RBFOX1: variants seen among roughly 807,000 people sequenced by gnomAD.
RBFOX1 encodes RNA binding protein fox-1 homolog 1.
In RBFOX1, 8 loss-of-function variants were observed where a neutral mutation model predicts 57.7. The observed-to-expected ratio is 0.14, with a 90% CI of 0.08 to 0.25. The LOEUF is 0.25. Ranked by LOEUF, RBFOX1 falls within the 10% of genes least tolerant of loss-of-function variation. RBFOX1 has a pLI of 1.00. For synonymous variants in RBFOX1, 326 were observed against 222.4 expected (o/e 1.47, Z -4.15); for missense variants, 611 against 548.5 (o/e 1.11, Z -1.14).
chr16:5,344,612 C>G (rs1005258847), intron 1 of RBFOX1, among the ~76,000 whole-genome samples: 1 of 152,132 alleles, frequency 6.6e-6, no homozygotes, highest in African/African-American at 2.4e-5. Flanking sequence ...CCCCCTCCCC[C>G]GGCTGTGAGG....
intron 2 of RBFOX1, among the ~76,000 whole-genome samples, chr16:5,589,726 A>T (rs1253131788): frequency 6.6e-6 from 1 of 152,144 alleles, no homozygotes; most frequent in African/African-American, 2.4e-5. Flanking sequence ...TAAGTAATTT[A>T]ACAAGTGTAG....
At chr16:5,258,377 C>G (rs191125162) in intron 1 of RBFOX1, among the ~76,000 whole-genome samples, 1 of 151,456 alleles carries the variant, frequency 6.6e-6, no homozygotes, top group Non-Finnish European at 1.5e-5. Context: ...ATATTCACCC[C>G]TATGTAATTT....
At chr16:6,071,790 A>G (rs964077519) in intron 1 of RBFOX1, among the ~76,000 whole-genome samples, 15 of 152,152 alleles carry the variant, frequency 9.9e-5, no homozygotes, top group African/African-American at 3.6e-4. Context: ...CTCAGCTTCT[A>G]TGAGCTTGTC....
intron 3 of RBFOX1, among the ~76,000 whole-genome samples, chr16:6,731,158 A>G (rs1469597232): frequency 6.6e-6 from 1 of 152,206 alleles, no homozygotes; most frequent in Non-Finnish European, 1.5e-5. Flanking sequence ...TGCTGAGGAC[A>G]GCTAGAATTA....
intron 2 of RBFOX1, among the ~76,000 whole-genome samples, chr16:5,541,654 T>G (rs2044957993): frequency 6.6e-6 from 1 of 152,206 alleles, no homozygotes; most frequent in South Asian, 2.1e-4. Flanking sequence ...CCCTGAGCAG[T>G]TCCCAGCATG....
At chr16:7,478,198 T>A (rs1160478802) in intron 4 of RBFOX1, among the ~76,000 whole-genome samples, 1 of 152,234 alleles carries the variant, frequency 6.6e-6, no homozygotes, top group Non-Finnish European at 1.5e-5. Context: ...ACCCAGAGTA[T>A]ATAGAAAATG....
chr16:7,326,047 C>T (rs141137028), intron 4 of RBFOX1, among the ~76,000 whole-genome samples: 1 of 152,208 alleles, frequency 6.6e-6, no homozygotes, highest in African/African-American at 2.4e-5. Flanking sequence ...TGGTAACTGA[C>T]CAGGCACACA....
At chr16:6,973,731 T>A (rs1246032403) in intron 3 of RBFOX1, among the ~76,000 whole-genome samples, 2 of 152,192 alleles carry the variant, frequency 1.3e-5, no homozygotes, top group African/African-American at 4.8e-5. Context: ...CTTTTAAGTT[T>A]TGGCGAGCAT....
At chr16:6,718,656 T>A (rs1388938513) in intron 3 of RBFOX1, among the ~76,000 whole-genome samples, 2 of 152,246 alleles carry the variant, frequency 1.3e-5, no homozygotes, top group Non-Finnish European at 1.5e-5. Flanking sequence ...GGGAACGGAC[T>A]TCCCCCTTGC....
intron 1 of RBFOX1, among the ~76,000 whole-genome samples, chr16:6,294,514 C>T (rs1020019593): frequency 6.6e-6 from 1 of 152,168 alleles, no homozygotes; most frequent in Admixed American, 6.5e-5. Flanking sequence ...ACAGGCTTAG[C>T]TCAGAGTTTC....
intron 3 of RBFOX1, among the ~76,000 whole-genome samples, chr16:6,931,797 A>G (rs189625089): frequency 6.6e-6 from 1 of 152,140 alleles, no homozygotes; most frequent in African/African-American, 2.4e-5. Context: ...TTATAAAGAA[A>G]AATAAGTTTA....
At chr16:6,010,925 C>T (rs2094957596) in intron 4 of RBFOX1, among the ~76,000 whole-genome samples, 1 of 152,028 alleles carries the variant, frequency 6.6e-6, no homozygotes. Context: ...CAAGTGGAAG[C>T]ACAGAAATGT....
chr16:6,927,160 T>G (rs2075739178), intron 3 of RBFOX1, among the ~76,000 whole-genome samples: 1 of 151,948 alleles, frequency 6.6e-6, no homozygotes, highest in South Asian at 2.1e-4. Flanking sequence ...CCCTCAGAAG[T>G]TCTGAATTGT....
At chr16:7,472,403 T>C (rs900613308) in intron 4 of RBFOX1, among the ~76,000 whole-genome samples, 2 of 152,238 alleles carry the variant, frequency 1.3e-5, no homozygotes, top group African/African-American at 4.8e-5. Context: ...CACGAGTCTT[T>C]ATAACTTAAC....
chr16:6,183,831 G>T (rs980267684), intron 1 of RBFOX1, among the ~76,000 whole-genome samples: 1 of 152,174 alleles, frequency 6.6e-6, no homozygotes, highest in African/African-American at 2.4e-5. Context: ...GCTAGGAGGG[G>T]ACTGGAGCAT....
intron 3 of RBFOX1, among the ~76,000 whole-genome samples, chr16:6,662,182 A>G (rs2098705932): frequency 6.6e-6 from 1 of 152,224 alleles, no homozygotes; most frequent in South Asian, 2.1e-4. Flanking sequence ...AACCCTCATC[A>G]TCAGATTAAG....
At chr16:5,271,933 T>A (rs1478142771) in intron 1 of RBFOX1, among the ~76,000 whole-genome samples, 1 of 152,270 alleles carries the variant, frequency 6.6e-6, no homozygotes, top group Non-Finnish European at 1.5e-5. Flanking sequence ...AGGATTTCTT[T>A]CTTTTTTAAG....
chr16:5,919,972 A>C (rs1025857524), intron 4 of RBFOX1, among the ~76,000 whole-genome samples: 5 of 151,802 alleles, frequency 3.3e-5, no homozygotes, highest in Admixed American at 2.6e-4. Flanking sequence ...GGAGTCTCGC[A>C]CTGTCGCCCA....
chr16:6,102,411 C>T (rs768166754), intron 1 of RBFOX1, among the ~76,000 whole-genome samples: 4 of 152,156 alleles, frequency 2.6e-5, no homozygotes, highest in Non-Finnish European at 5.9e-5. Context: ...GTTGGTGCTT[C>T]AGTCTCTAAG....
Sources: gnomAD v4.1 joint callset for allele counts (sites outside exome capture counted in the v4.1 genomes callset) on GRCh38, gnomAD v4.1.1 for gene constraint, MANE v1.5 for transcripts, NCBI Gene and HGNC (gene_info 2026-07-23, HGNC 2026-07-21) for gene names.